The following NLGN4X variants were observed in gnomAD, a reference collection of about 807,000 sequenced individuals.
NLGN4X encodes neuroligin-4, X-linked.
In NLGN4X, 3 loss-of-function variants were observed where a neutral mutation model predicts 40.3. The observed-to-expected ratio is 0.07, with a 90% confidence interval of 0.03 to 0.19. The LOEUF is 0.19. Among genes scored for constraint, NLGN4X ranks in the 10% least tolerant of loss-of-function variants. NLGN4X has a pLI of 1.00. For missense variants in NLGN4X, 382 were observed against 708.3 expected (o/e 0.54, Z 5.23); for synonymous variants, 270 against 306.8 (o/e 0.88, Z 1.25).
intron 3 of NLGN4X, among the ~76,000 whole-genome samples, chrX:6,023,838 G>T (rs2036613864): frequency 8.9e-6 from 1 of 111,962 alleles, no homozygotes; most frequent in African/African-American, 3.2e-5. Flanking sequence ...ATATTTAAAT[G>T]GAGGTAGATG....
Position 6,050,868 on chromosome X carries a change from T to A in NLGN4X, c.473-21436A>T, listed in dbSNP as rs141338103. Among the ~76,000 whole-genome samples the A allele has an allele frequency of 1.6e-3, 182 of 111,570 alleles. 1 individual carries two copies. Among genetic ancestry groups the A allele is most frequent in the African/African-American group, 5.6e-3 (172 of 30,661 alleles). ...ACCTATTTATCTCCTGGTGACCCCA[T>A]CTTCTCTAATGATTGAGTACTGAAT... On this transcript the variant is annotated intron_variant, in intron 2 of 5. Transcript: ENST00000381095.
intron 3 of NLGN4X, among the ~76,000 whole-genome samples, chrX:5,965,469 G>A (rs1401671016): frequency 8.9e-6 from 1 of 112,243 alleles, no homozygotes. Flanking sequence ...TATAGAATGT[G>A]CACGCTTCAG....
chrX:5,967,324 GTTTATT>G (rs776826591), intron 3 of NLGN4X, among the ~76,000 whole-genome samples: 14 of 111,979 alleles, frequency 1.3e-4, no homozygotes, highest in Non-Finnish European at 1.7e-4. Flanking sequence ...TTATTGCACA[GTTTATT>G]TTTATGTTAT....
chrX:6,106,983 C>A (rs966178808), intron 2 of NLGN4X, among the ~76,000 whole-genome samples: 3 of 112,782 alleles, frequency 2.7e-5, no homozygotes, highest in Non-Finnish European at 5.6e-5. Flanking sequence ...TCTTGAAATT[C>A]ATTTATTCAG....
chrX:5,959,632 T>A (rs2034595565), intron 3 of NLGN4X, among the ~76,000 whole-genome samples: 1 of 111,802 alleles, frequency 8.9e-6, no homozygotes, highest in Non-Finnish European at 1.9e-5. Flanking sequence ...CGCAGGTACA[T>A]AATAGCATAT....
chrX:5,921,152 T>C (rs1049173214), intron 3 of NLGN4X, among the ~76,000 whole-genome samples: 14 of 69,558 alleles, frequency 2.0e-4, no homozygotes, highest in African/African-American at 1.1e-3. Context: ...TATATACATA[T>C]ATATATATAT....
At chrX:6,109,774 T>G (rs1302552084) in intron 2 of NLGN4X, among the ~76,000 whole-genome samples, 1 of 111,962 alleles carries the variant, frequency 8.9e-6, no homozygotes, top group Non-Finnish European at 1.9e-5. Context: ...AACATAAATG[T>G]AGAATGTGCA....
chrX:6,202,938 A>G (rs749266927), intron 1 of NLGN4X, among the ~76,000 whole-genome samples: 1 of 111,971 alleles, frequency 8.9e-6, no homozygotes, highest in South Asian at 3.8e-4. Context: ...GCAAGATTCT[A>G]TCAGTATCAT....
intron 3 of NLGN4X, among the ~76,000 whole-genome samples, chrX:6,006,630 C>A (rs2036110268): frequency 9.0e-6 from 1 of 111,269 alleles, no homozygotes; most frequent in South Asian, 3.8e-4. Context: ...GCTATTTTAC[C>A]CACCTCTCTT....
At position 5,921,799 on chromosome X, in the gene NLGN4X, G is replaced by C. The variant is rs1237589070; in HGVS notation, c.626-12560C>G. Among the ~76,000 whole-genome samples, 4 of 111,968 alleles carry C rather than the reference G, an allele frequency of 3.6e-5. No homozygotes were observed. In the East Asian group the frequency reaches 1.1e-3, roughly 32 times the overall value. On this transcript the variant is annotated intron_variant, in intron 3 of 5. Coordinates refer to ENST00000381095, the MANE Select transcript of NLGN4X (RefSeq NM_181332.3). Reference sequence around the variant, plus strand: ...CTGTTTTGGGCAGATGCATTGGGCAGCGGTAGCTACACGGTGTTAGGCTTT... The same window carrying C: ...CTGTTTTGGGCAGATGCATTGGGCACCGGTAGCTACACGGTGTTAGGCTTT...
At chrX:6,201,728 G>C (rs1417748639) in intron 1 of NLGN4X, among the ~76,000 whole-genome samples, 1 of 111,210 alleles carries the variant, frequency 9.0e-6, no homozygotes. Context: ...AGGGAGCAGG[G>C]TAAGCTTGGC....
At chrX:6,101,727 A>G (rs1013827435) in intron 2 of NLGN4X, among the ~76,000 whole-genome samples, 5 of 110,889 alleles carry the variant, frequency 4.5e-5, no homozygotes, top group African/African-American at 6.6e-5. Context: ...CAAAAATTAT[A>G]GTCAGAAAGA....
chrX:6,049,256 G>A (rs1403124047), intron 2 of NLGN4X, among the ~76,000 whole-genome samples: 2 of 32,132 alleles, frequency 6.2e-5, no homozygotes, highest in East Asian at 2.2e-3. Context: ...GGAGGGGAGG[G>A]GAGGGGAGGG....
chrX:6,057,494 A>T (rs1476035352), intron 2 of NLGN4X, among the ~76,000 whole-genome samples: 1 of 112,302 alleles, frequency 8.9e-6, no homozygotes, highest in African/African-American at 3.2e-5. Context: ...AGAATTAGAT[A>T]AATTAGATGA....
rs1241620818 is a variant in NLGN4X, at chrX:6,032,515, T to C, written c.473-3083A>G. Among the ~76,000 whole-genome samples, 3 of 108,343 alleles carry C rather than the reference T, an allele frequency of 2.8e-5. No individual in the cohort carries two copies. The Admixed American group carries it at 3.0e-4, about 11-fold the overall frequency. 94.1% of individuals were successfully genotyped at this position (108,343 alleles called of 115,157 possible). ...TGATTTGTTTCCTGTACATGGTAAC[T>C]GGGATTAAAAAATGACAGTGGTTTC... On this transcript the variant is annotated intron_variant, in intron 2 of 5. Transcript: ENST00000381095.
At chrX:5,929,318 T>C (rs2033452794) in intron 3 of NLGN4X, among the ~76,000 whole-genome samples, 1 of 109,653 alleles carries the variant, frequency 9.1e-6, no homozygotes, top group East Asian at 2.9e-4. Context: ...AATACAAAAA[T>C]TAGCCGGGCA....
chrX:6,119,074 G>T (rs933493271), intron 2 of NLGN4X, among the ~76,000 whole-genome samples: 2 of 111,917 alleles, frequency 1.8e-5, no homozygotes, highest in African/African-American at 3.2e-5. Flanking sequence ...CAGGAATCAC[G>T]ATCTGAAATA....
chrX:5,939,452 T>G (rs922780540), intron 3 of NLGN4X, among the ~76,000 whole-genome samples: 1 of 111,151 alleles, frequency 9.0e-6, no homozygotes, highest in Non-Finnish European at 1.9e-5. Context: ...TAATGTGCAC[T>G]CTTAGCTACA....
In NLGN4X at chrX:5,891,680, A is replaced by G. The variant is rs2031179806; in HGVS notation, c.*1137T>C. 2 of 191,963 alleles carry G rather than the reference A, an allele frequency of 1.0e-5. No homozygotes were observed. Among genetic ancestry groups the G allele is most frequent in the Admixed American group, 6.7e-5 (1 of 14,984 alleles). 15.8% of individuals were successfully genotyped at this position (191,963 alleles called of 1,213,427 possible). On this transcript the variant is annotated 3_prime_UTR_variant, in exon 6 of 6. Coordinates refer to ENST00000381095, the MANE Select transcript of NLGN4X (RefSeq NM_181332.3). ...CAAAGGGCCAGAGCTACAGAACGGG[A>G]CTTGTATTTTTGTTTCTCCCTACTG...
Sources: allele counts gnomAD v4.1 joint callset (sites outside exome capture counted in the v4.1 genomes callset), GRCh38; gene constraint gnomAD v4.1.1; transcripts MANE v1.5; gene names NCBI Gene and HGNC (gene_info 2026-07-23, HGNC 2026-07-21).